Variants in CD36 observed in about 807,000 individuals in gnomAD.
The protein encoded by CD36 is platelet glycoprotein 4.
A neutral mutation model predicts 55.2 loss-of-function variants in CD36; 119 were observed. That is an observed-to-expected ratio of 2.15 (90% confidence interval 1.86 to 2.51). The LOEUF (loss-of-function observed/expected upper bound fraction) is 2.51, where lower values mean the gene tolerates loss of function less well. CD36 is among the 30% of genes most tolerant of loss of function. The pLI is 0.00. For missense variants in CD36, 819 were observed against 555.5 expected, an observed-to-expected ratio of 1.47 and a Z score of -4.77; for synonymous variants, 186 against 193.6, an observed-to-expected ratio of 0.96 and a Z score of 0.33.
At chr7:80,674,559 G>A in intron 14 of CD36, 1 of 238,214 alleles carries the variant, frequency 4.2e-6, no homozygotes. Context: ...ATCCAGAAAA[G>A]TCCTGAACAA....
intron 8 of CD36, among the ~76,000 whole-genome samples, chr7:80,667,829 A>C (rs2116802169): frequency 7.2e-6 from 1 of 138,928 alleles, no homozygotes; most frequent in South Asian, 2.3e-4. Flanking sequence ...GGCTCACTGC[A>C]ACCTCTGCCT....
At chr7:80,644,842 T>C (rs971845079) in intron 1 of CD36, among the ~76,000 whole-genome samples, 1 of 152,198 alleles carries the variant, frequency 6.6e-6, no homozygotes, top group Non-Finnish European at 1.5e-5. Context: ...TAGAGAATAA[T>C]TGTTTATAAA....
upstream of CD36, among the ~76,000 whole-genome samples, chr7:80,633,736 G>A (rs1195320443): frequency 1.3e-5 from 2 of 151,984 alleles, no homozygotes; most frequent in Non-Finnish European, 2.9e-5. Flanking sequence ...AAGCATAAGT[G>A]TGTGTATGCC....
intron 1 of CD36, among the ~76,000 whole-genome samples, chr7:80,609,276 C>T (rs1321312490): frequency 3.3e-5 from 5 of 152,070 alleles, no homozygotes; most frequent in African/African-American, 1.2e-4. Context: ...AACATGTTTC[C>T]CCAGTTGTAT....
intron 6 of CD36, among the ~76,000 whole-genome samples, chr7:80,664,044 T>C (rs1796785347): frequency 6.6e-6 from 1 of 152,172 alleles, no homozygotes; most frequent in African/African-American, 2.4e-5. Flanking sequence ...TAACCACTTA[T>C]TAATGACTGT....
chr7:80,642,610 T>A (rs1794896760), intron 1 of CD36, among the ~76,000 whole-genome samples: 1 of 152,168 alleles, frequency 6.6e-6, no homozygotes, highest in South Asian at 2.1e-4. Flanking sequence ...ATGATTATAA[T>A]AACAATACTT....
rs540856407 is a variant in CD36, at chr7:80,678,208, G to A, written c.*1825G>A. 1 of 151,964 alleles carries A rather than the reference G, an allele frequency of 6.6e-6. No individual in the cohort carries two copies. The highest frequency in any genetic ancestry group is 6.6e-5 in the Admixed American group (1 of 15,246). The allele number at this position is 151,964 out of a possible 1,614,324, so 9.4% of individuals were successfully genotyped here. A position where few individuals can be genotyped will look rare whatever the true frequency, so the allele number is the denominator to read the frequency against. ...GGCGAAGTTAATGTTGTTCAGAAAG[G>A]GTAAATGTTTGGACACTTGCAATTG... On this transcript the variant is annotated 3_prime_UTR_variant, in exon 15 of 15. Coordinates refer to ENST00000447544, the MANE Select transcript of CD36 (RefSeq NM_001001548.3).
At chr7:80,669,482 C>T (rs1306711494) in intron 8 of CD36, among the ~76,000 whole-genome samples, 1 of 152,066 alleles carries the variant, frequency 6.6e-6, no homozygotes, top group African/African-American at 2.4e-5. Context: ...GGCTGGAGTG[C>T]AATGGCATGA....
chr7:80,664,202 G>GTATC (rs1235584729), intron 6 of CD36, among the ~76,000 whole-genome samples: 1 of 152,044 alleles, frequency 6.6e-6, no homozygotes, highest in Non-Finnish European at 1.5e-5. Context: ...CTTCTGATAT[G>GTATC]TATCTTCTTT....
intron 1 of CD36, among the ~76,000 whole-genome samples, chr7:80,626,998 T>C (rs983962488): frequency 1.3e-5 from 2 of 151,988 alleles, no homozygotes; most frequent in Non-Finnish European, 2.9e-5. Flanking sequence ...TCACAGTCAA[T>C]AGCAGAAGCA....
At chr7:80,672,670 TAA>T (rs1007561484) in intron 11 of CD36, 98 bp from the exon 12 acceptor site, 1 of 811,076 alleles carries the variant, frequency 1.2e-6, no homozygotes, top group Non-Finnish European at 2.1e-6. Context: ...TGTTTAACCT[TAA>T]GTTACTACCT....
At chr7:80,624,991 C>T (rs987548918) in intron 1 of CD36, 34 of 152,050 alleles carry the variant, frequency 2.2e-4, no homozygotes, top group Non-Finnish European at 4.3e-4. Context: ...GTCACAGTGA[C>T]TACTGTGACT....
chr7:80,620,363 C>T (rs1332698097), intron 1 of CD36, among the ~76,000 whole-genome samples: 1 of 152,150 alleles, frequency 6.6e-6, no homozygotes, highest in Non-Finnish European at 1.5e-5. Context: ...TTGGGGTTCT[C>T]ATTACCCCCT....
rs530457868 is a variant in CD36, at chr7:80,650,173, C to A, written c.120+3313C>A. Among the ~76,000 whole-genome samples the A allele has an allele frequency of 2.0e-5, 3 of 152,138 alleles. 1 individual carries two copies. In the East Asian group the frequency reaches 5.8e-4, roughly 29 times the overall value. On this transcript the variant is annotated intron_variant, in intron 3 of 14. Transcript: ENST00000447544. Reference sequence around the variant, plus strand: ...GAGACTCATAAAAACTGTCAAATGACAGTGCACATTGTAAGCCCCCTACAT... The same window carrying A: ...GAGACTCATAAAAACTGTCAAATGAAAGTGCACATTGTAAGCCCCCTACAT...
chr7:80,671,219 A>G, intron 10 of CD36, 55 bp downstream of exon 10: 1 of 1,190,306 alleles, frequency 8.4e-7, no homozygotes. Context: ...ATATTCTTTA[A>G]GATGAGAACT....
rs1797994067 is a variant in CD36, at chr7:80,673,967, A to ATTAACTTGATTACAGACTGGGACCATT, written c.1255-15_1266dup. ...CTAACGTACCCAAATAATGTTGATTATTAACTTGATTACAGACTGGGACCA... is the reference window on the plus strand; with the variant it reads ...CTAACGTACCCAAATAATGTTGATTATTAACTTGATTACAGACTGGGACCATTTTAACTTGATTACAGACTGGGACCA... On this transcript the variant is annotated splice_polypyrimidine_tract_variant and intron_variant, in intron 13 of 14. Coordinates refer to ENST00000447544, the MANE Select transcript of CD36 (RefSeq NM_001001548.3). 6.2e-7 allele frequency: 1 copy of ATTAACTTGATTACAGACTGGGACCATT among 1,604,602 alleles called. No homozygotes were observed. Among genetic ancestry groups the ATTAACTTGATTACAGACTGGGACCATT allele is most frequent in the African/African-American group, 1.3e-5 (1 of 74,644 alleles).
Position 80,614,704 on chromosome 7 carries a change from A to G in CD36, c.-184+12325A>G, listed in dbSNP as rs185824399. ...AACCACATCTGAGTTCCTGACCCCA[A>G]TTCCAATACCCCAGTTTATAATGTG... On this transcript the variant is annotated intron_variant, in intron 1 of 13. Transcript: ENST00000309881. Among the ~76,000 whole-genome samples the G allele has an allele frequency of 3.7e-3, 560 of 152,208 alleles. 4 individuals carry two copies. Among genetic ancestry groups the G allele is most frequent in the African/African-American group, 0.012 (505 of 41,516 alleles).
At chr7:80,622,714 G>A (rs901684546) in intron 1 of CD36, among the ~76,000 whole-genome samples, 1 of 152,166 alleles carries the variant, frequency 6.6e-6, no homozygotes, top group Non-Finnish European at 1.5e-5. Context: ...ATGAGTCACA[G>A]CTATTTATAT....
At chr7:80,626,300 A>T (rs1793732913) in intron 1 of CD36, 1 of 152,268 alleles carries the variant, frequency 6.6e-6, no homozygotes, top group African/African-American at 2.4e-5. Context: ...TGAGCTAAAT[A>T]TTTATCAAAT....
Sources: allele counts gnomAD v4.1 joint callset (sites outside exome capture counted in the v4.1 genomes callset), GRCh38; gene constraint gnomAD v4.1.1; transcripts MANE v1.5; gene names NCBI Gene and HGNC (gene_info 2026-07-23, HGNC 2026-07-21).